MARCHF11: variants seen among roughly 807,000 people sequenced by gnomAD.
MARCHF11 encodes membrane associated ring-CH-type finger 11.
MARCHF11 carries 29 observed loss-of-function variants against 37.3 expected under a neutral mutation model. The observed-to-expected ratio is 0.78, with a 90% confidence interval of 0.58 to 1.06. The LOEUF (loss-of-function observed/expected upper bound fraction) is 1.06. Among genes scored for constraint, MARCHF11 ranks in the 50% least tolerant of loss-of-function variants. MARCHF11 has a pLI of 0.00. For synonymous variants in MARCHF11, 233 were observed against 228.0 expected, an observed-to-expected ratio of 1.02 and a Z score of -0.20; for missense variants, 482 against 533.4, an observed-to-expected ratio of 0.90 and a Z score of 0.95.
intron 3 of MARCHF11, among the ~76,000 whole-genome samples, chr5:16,089,602 TAAA>T (rs34711667): frequency 7.2e-6 from 1 of 138,256 alleles, no homozygotes; most frequent in Non-Finnish European, 1.6e-5. Flanking sequence ...AAGAAAAAAG[TAAA>T]AAAAAAAAAA....
intron 3 of MARCHF11, among the ~76,000 whole-genome samples, chr5:16,081,402 C>T (rs993361011): frequency 6.6e-6 from 1 of 152,130 alleles, no homozygotes; most frequent in Admixed American, 6.6e-5. Flanking sequence ...TCCAAAGGCA[C>T]CAAAGTTTAA....
At chr5:16,095,508 G>A (rs1579683470) in intron 2 of MARCHF11, among the ~76,000 whole-genome samples, 1 of 150,592 alleles carries the variant, frequency 6.6e-6, no homozygotes, top group Non-Finnish European at 1.5e-5. Flanking sequence ...GAGGGAGGGA[G>A]ATCCCTCAAT....
At chr5:16,173,509 T>C (rs1198959791) in intron 2 of MARCHF11, among the ~76,000 whole-genome samples, 1 of 152,210 alleles carries the variant, frequency 6.6e-6, no homozygotes, top group Non-Finnish European at 1.5e-5. Context: ...AGAGTAAATA[T>C]GCTCACTGCA....
chr5:16,178,015 A>C, intron 1 of MARCHF11, 134 bp from the exon 2 acceptor site: 3 of 768,484 alleles, frequency 3.9e-6, no homozygotes, highest in Non-Finnish European at 3.9e-6. Flanking sequence ...AATGAAATTA[A>C]AATTTTATAC....
chr5:16,162,408 T>C (rs776343375), intron 2 of MARCHF11, among the ~76,000 whole-genome samples: 4 of 152,042 alleles, frequency 2.6e-5, no homozygotes, highest in Non-Finnish European at 4.4e-5. Flanking sequence ...TATACTTCAG[T>C]AGGAAAACAA....
intron 2 of MARCHF11, among the ~76,000 whole-genome samples, chr5:16,173,321 C>G (rs900247029): frequency 1.3e-5 from 2 of 152,182 alleles, no homozygotes; most frequent in Non-Finnish European, 2.9e-5. Context: ...CTCCTGCCTA[C>G]TCACAGGTTA....
chr5:16,127,990 C>G (rs1737444035), intron 2 of MARCHF11, among the ~76,000 whole-genome samples: 1 of 152,142 alleles, frequency 6.6e-6, no homozygotes. Context: ...TGCTCATCCC[C>G]TCTTTCACAG....
chr5:16,092,832 T>G (rs1241768848), intron 2 of MARCHF11, among the ~76,000 whole-genome samples: 1 of 152,264 alleles, frequency 6.6e-6, no homozygotes, highest in Non-Finnish European at 1.5e-5. Flanking sequence ...TGTCTGAAGT[T>G]GTTTTGTTCC....
intron 2 of MARCHF11, among the ~76,000 whole-genome samples, chr5:16,158,213 AC>A (rs1484117410): frequency 6.6e-6 from 1 of 151,952 alleles, no homozygotes. Flanking sequence ...GAGCACTCAC[AC>A]ACTGTTAGTG....
chr5:16,163,050 C>T (rs186541765), intron 2 of MARCHF11, among the ~76,000 whole-genome samples: 1 of 152,130 alleles, frequency 6.6e-6, no homozygotes, highest in Admixed American at 6.6e-5. Flanking sequence ...GATCCTCATA[C>T]TATCTCAACT....
intron 3 of MARCHF11, among the ~76,000 whole-genome samples, chr5:16,072,962 T>A (rs985211423): frequency 2.0e-5 from 3 of 152,150 alleles, no homozygotes; most frequent in Non-Finnish European, 2.9e-5. Context: ...TGTATAAACT[T>A]TGCTTAAATC....
chr5:16,120,552 C>T (rs1160956832), intron 2 of MARCHF11, among the ~76,000 whole-genome samples: 2 of 152,362 alleles, frequency 1.3e-5, no homozygotes, highest in Admixed American at 6.5e-5. Context: ...ATATTCTGAA[C>T]AAAATGTAAA....
chr5:16,164,056 C>G (rs57228803), intron 2 of MARCHF11, among the ~76,000 whole-genome samples: 1 of 152,042 alleles, frequency 6.6e-6, no homozygotes, highest in African/African-American at 2.4e-5. Flanking sequence ...GGGGCTTGAT[C>G]CTGGCTTGCC....
intron 2 of MARCHF11, among the ~76,000 whole-genome samples, chr5:16,154,289 C>G (rs539952279): frequency 4.6e-5 from 7 of 151,980 alleles, no homozygotes; most frequent in Admixed American, 4.6e-4. Flanking sequence ...CTGGACAATC[C>G]AATTAAACTC....
At chr5:16,128,174 T>G (rs1439548546) in intron 2 of MARCHF11, among the ~76,000 whole-genome samples, 1 of 152,110 alleles carries the variant, frequency 6.6e-6, no homozygotes, top group Non-Finnish European at 1.5e-5. Context: ...TTTATTGAAA[T>G]TTCACAACAC....
chr5:16,153,309 C>T (rs1468735276), intron 2 of MARCHF11, among the ~76,000 whole-genome samples: 8 of 152,030 alleles, frequency 5.3e-5, no homozygotes, highest in South Asian at 2.1e-4. Flanking sequence ...ACTGGAAGTC[C>T]GGTTTGTGCT....
intron 2 of MARCHF11, among the ~76,000 whole-genome samples, chr5:16,167,976 A>C (rs1361885992): frequency 3.3e-5 from 5 of 152,130 alleles, no homozygotes; most frequent in Non-Finnish European, 7.4e-5. Context: ...GGCTACCTGT[A>C]GAACATGAGT....
intron 2 of MARCHF11, among the ~76,000 whole-genome samples, chr5:16,154,859 G>A (rs1415830968): frequency 6.6e-6 from 1 of 151,732 alleles, no homozygotes; most frequent in East Asian, 1.9e-4. Flanking sequence ...CTGAGGATGG[G>A]GAATGGGCAC....
intron 3 of MARCHF11, among the ~76,000 whole-genome samples, chr5:16,089,652 C>A (rs191726291): frequency 2.6e-4 from 39 of 150,018 alleles, no homozygotes; most frequent in African/African-American, 8.8e-4. Context: ...TTATAGAATT[C>A]TTTTAGAAAA....
Sources: gnomAD v4.1 joint callset for allele counts (sites outside exome capture counted in the v4.1 genomes callset) on GRCh38, gnomAD v4.1.1 for gene constraint, MANE v1.5 for transcripts, NCBI Gene and HGNC (gene_info 2026-07-23, HGNC 2026-07-21) for gene names.